CLSPN: variants seen among roughly 807,000 people sequenced by gnomAD.
The protein encoded by CLSPN is claspin.
CLSPN carries 85 observed loss-of-function variants against 156.3 expected under a neutral mutation model. The ratio of observed to expected loss-of-function variants is 0.54; its 90% CI spans 0.46 to 0.65. The LOEUF (loss-of-function observed/expected upper bound fraction) is 0.65. Among genes scored for constraint, CLSPN ranks in the 30% least tolerant of loss-of-function variants. CLSPN has a pLI of 0.00. For missense variants in CLSPN, 1,407 were observed against 1,554.9 expected (o/e 0.90, Z 1.60); for synonymous variants, 534 against 542.4 (o/e 0.98, Z 0.22).
At position 35,735,236 on chromosome 1, in the gene CLSPN, A is replaced by G. The variant is rs1402165823; in HGVS notation, c.*1260T>C. 1 of 985,448 alleles carries G rather than the reference A, an allele frequency of 1.0e-6. No individual in the cohort carries two copies. The highest frequency in any genetic ancestry group is 1.2e-6 in the Non-Finnish European group (1 of 829,932). 61.0% of individuals were successfully genotyped at this position (985,448 alleles called of 1,614,324 possible). On this transcript the variant is annotated 3_prime_UTR_variant, in exon 25 of 25. Transcript: ENST00000318121. ...GGTGTAACACTTTATCTTCATCCCC[A>G]AGCCCCAGAAAATTAGAGGCAGAGT...
intron 20 of CLSPN, 51 bp from the exon 21 acceptor site, chr1:35,738,633 G>A (rs1257601994): frequency 6.9e-6 from 11 of 1,591,002 alleles, no homozygotes; most frequent in East Asian, 6.7e-5. Context: ...ACAGGAGAGG[G>A]TGCTTGGACA....
downstream of CLSPN, among the ~76,000 whole-genome samples, chr1:35,731,317 A>G (rs911314208): frequency 2.0e-5 from 3 of 152,114 alleles, no homozygotes; most frequent in African/African-American, 7.2e-5. Context: ...TCAGACAAAG[A>G]AGGAGGATGG....
rs1030110876 is a variant in CLSPN, at chr1:35,746,693, C to T, written c.2854+73G>A. The T allele has an allele frequency of 3.1e-5, 33 of 1,055,994 alleles. No homozygotes were observed. Among genetic ancestry groups the T allele is most frequent in the South Asian group, 9.3e-5 (7 of 75,152 alleles). The allele number at this position is 1,055,994 out of a possible 1,614,324, so 65.4% of individuals were successfully genotyped here. ...GATTACAGGCATGAGCCACCCCACC[C>T]GCCCAGGGAATTCTTTTCAAGGGCA... On this transcript the variant is annotated intron_variant, in intron 15 of 24. Coordinates refer to ENST00000318121, the MANE Select transcript of CLSPN (RefSeq NM_022111.4). This position sits in a 1 kb window ranked among gnomAD's most constrained non-coding sequence, Gnocchi z 4.2.
chr1:35,745,484 A>C lies in CLSPN; in HGVS notation c.2933T>G (p.Leu978Arg). 1 of 1,613,998 alleles carries C rather than the reference A, an allele frequency of 6.2e-7. No homozygotes were observed. The highest frequency in any genetic ancestry group is 8.5e-7 in the Non-Finnish European group (1 of 1,179,916). The change falls in exon 16 of 25, where the codon CTT (leucine) becomes CGT (arginine). Residue 978 changes from leucine (L) to arginine (R), a missense_variant. By Grantham distance (102) the Leu-to-Arg change is moderately radical (BLOSUM62 -2). Transcript: ENST00000318121. Reference sequence around the variant, plus strand: ...GGGAAAAGAGCCTGAGCAAAGAGCAAGTGCTTCTTCCATTGGATCACCCAT... The same window carrying C: ...GGGAAAAGAGCCTGAGCAAAGAGCACGTGCTTCTTCCATTGGATCACCCAT... ...SSMGDPMEEA[L>R]ALCSGSFPTD...
At position 35,769,708 on chromosome 1, in the gene CLSPN, G is replaced by T. The variant is rs994388951; in HGVS notation, c.24+139C>A. On this transcript the variant is annotated intron_variant, in intron 1 of 24. Coordinates refer to ENST00000318121, the MANE Select transcript of CLSPN (RefSeq NM_022111.4). ...CATCCCGGCCGAGTCTCGAGGCCGC[G>T]GGAGCCGGCGCGGCGAACGCCGGGA... 5.3e-5 allele frequency: 39 copies of T among 735,882 alleles called. 1 individual carries two copies. The highest frequency in any genetic ancestry group is 4.0e-4 in the Middle Eastern group (1 of 2,486). 45.6% of individuals were successfully genotyped at this position (735,882 alleles called of 1,614,324 possible).
rs1454244546 is a variant in CLSPN, at chr1:35,734,568, C to T, written c.*1928G>A. On this transcript the variant is annotated 3_prime_UTR_variant, in exon 25 of 25. Coordinates refer to ENST00000318121, the MANE Select transcript of CLSPN (RefSeq NM_022111.4). ...TGGTGGCAGGTGCCTGTAATCCCTG[C>T]TATTTGGGAGGCCGAGGCAGAATTG... is the stretch of plus-strand genomic sequence containing the variant. 2 of 300,868 alleles carry T rather than the reference C, an allele frequency of 6.6e-6. No individual in the cohort carries two copies. The highest frequency in any genetic ancestry group is 9.8e-6 in the Non-Finnish European group (2 of 204,884). The allele number at this position is 300,868 out of a possible 1,614,324, so 18.6% of individuals were successfully genotyped here.
chr1:35,728,998 C>A (rs576100038), downstream of CLSPN, among the ~76,000 whole-genome samples: 1 of 148,668 alleles, frequency 6.7e-6, no homozygotes. Context: ...CCTGCTGGGC[C>A]CCCAGAACCT....
rs1222804992 is a variant in CLSPN, at chr1:35,760,783, G to A, written c.1138C>T (p.Leu380Phe). ...GAENEVETNALPVVSKETQII... is the reference protein window; with the variant it reads ...GAENEVETNAFPVVSKETQII... ...TGGGTTTCCTTTGAAACTACAGGGA[G>A]TGCATTAGTTTCCACTTCATTTTCT... The change falls in exon 8 of 25, where the codon CTC becomes TTC. Residue 380 changes from leucine to phenylalanine, a missense_variant. Coordinates refer to ENST00000318121, the MANE Select transcript of CLSPN (RefSeq NM_022111.4). 1 of 1,613,482 alleles carries A rather than the reference G, an allele frequency of 6.2e-7. No homozygotes were observed. Among genetic ancestry groups the A allele is most frequent in the Non-Finnish European group, 8.5e-7 (1 of 1,179,928 alleles).
At chr1:35,764,755 T>G (rs2148627706) in intron 2 of CLSPN, 41 bp from the exon 3 acceptor site, 2 of 1,344,260 alleles carry the variant, frequency 1.5e-6, no homozygotes. Flanking sequence ...CATCATTTGA[T>G]CTTCCTCCTA....
rs1641336780 is a variant in CLSPN at position 35,732,280 on chromosome 1, C to T, written c.*4216G>A. ...CCTCCCAGAAATACTCTCCTCTATC[C>T]TTAGGAGCACAAATCCCAGGACAGG... On this transcript the variant is annotated 3_prime_UTR_variant, in exon 25 of 25. Transcript: ENST00000318121. 4.1e-6 allele frequency: 4 copies of T among 985,336 alleles called. No homozygotes were observed. Among genetic ancestry groups the T allele is most frequent in the Non-Finnish European group, 4.8e-6 (4 of 829,924 alleles). 61.0% of individuals were successfully genotyped at this position (985,336 alleles called of 1,614,324 possible).
At chr1:35,743,922 A>T (rs942126679) in intron 16 of CLSPN, among the ~76,000 whole-genome samples, 5 of 152,210 alleles carry the variant, frequency 3.3e-5, no homozygotes, top group Non-Finnish European at 5.9e-5. Context: ...TCGCCCAGCC[A>T]AATTTAAAAC....
chr1:35,747,976 A>G lies in CLSPN; in HGVS notation c.2558T>C (p.Phe853Ser). 6.2e-7 allele frequency: 1 copy of G among 1,614,198 alleles called. No individual in the cohort carries two copies. Among genetic ancestry groups the G allele is most frequent in the Non-Finnish European group, 8.5e-7 (1 of 1,180,008 alleles). Reference protein sequence around the residue: ...YNASPEPKTLFLGAGDFQFCL... With the variant: ...YNASPEPKTLSLGAGDFQFCL... ...GAACTGGAAGTCTCCTGCTCCTAGG[A>G]AAAGTGTCTTAGGCTCTGGGGAGGC... The change falls in exon 14 of 25, where the codon TTC becomes TCC. Residue 853 changes from phenylalanine (F) to serine (S), a missense_variant. Coordinates refer to ENST00000318121, the MANE Select transcript of CLSPN (RefSeq NM_022111.4).
At chr1:35,744,258 A>G (rs773267581) in intron 16 of CLSPN, among the ~76,000 whole-genome samples, 4 of 152,076 alleles carry the variant, frequency 2.6e-5, no homozygotes, top group Non-Finnish European at 4.4e-5. Context: ...TGACTGGCTT[A>G]TTTCTTTTAG....
chr1:35,760,301 A>T (rs924844499), intron 8 of CLSPN, 41 bp downstream of exon 8: 1 of 1,488,266 alleles, frequency 6.7e-7, no homozygotes, highest in Non-Finnish European at 9.2e-7. Flanking sequence ...AGCTACCAGG[A>T]TAATCACTCC....
chr1:35,731,347 A>C (rs1641313177), downstream of CLSPN, among the ~76,000 whole-genome samples: 1 of 152,160 alleles, frequency 6.6e-6, no homozygotes, highest in South Asian at 2.1e-4. Flanking sequence ...AGGGCATTCC[A>C]GGGAAAGAGG....
rs201129964 is a variant in CLSPN, at chr1:35,734,677, C to A, written c.*1819G>T. On this transcript the variant is annotated 3_prime_UTR_variant, in exon 25 of 25. Transcript: ENST00000318121. ...TAGGTGACAGAGCCAGCCTATGTCT[C>A]AAAAAAAAAAAAAGAAAAGAAAAGA... 1.5e-3 allele frequency: 990 copies of A among 663,512 alleles called. No individual in the cohort carries two copies. Among genetic ancestry groups the A allele is most frequent in the Admixed American group, 5.2e-3 (66 of 12,652 alleles). The allele number at this position is 663,512 out of a possible 1,614,324, so 41.1% of individuals were successfully genotyped here. A position where few individuals can be genotyped will look rare whatever the true frequency, so the allele number is the denominator to read the frequency against.
chr1:35,743,935 T>C (rs76870230), intron 16 of CLSPN, among the ~76,000 whole-genome samples: 5,750 of 152,328 alleles, frequency 0.038, 149 homozygotes, highest in East Asian at 0.058. Context: ...TTTAAAACTT[T>C]TATTATCACC....
intron 18 of CLSPN, among the ~76,000 whole-genome samples, chr1:35,741,226 T>G (rs771397866): frequency 6.6e-6 from 1 of 152,196 alleles, no homozygotes; most frequent in Non-Finnish European, 1.5e-5. Context: ...TAAAAATATA[T>G]GCATAAAAAA....
chr1:35,721,707 C>G (rs1395728852), intron 24 of CLSPN, among the ~76,000 whole-genome samples: 1 of 151,938 alleles, frequency 6.6e-6, no homozygotes. Flanking sequence ...ACCTTCTGAC[C>G]TGCAATACCC....
Sources: gnomAD v4.1 joint callset for allele counts (sites outside exome capture counted in the v4.1 genomes callset) on GRCh38, gnomAD v4.1.1 for gene constraint, Gnocchi (gnomAD v3.1) non-coding constraint, MANE v1.5 for transcripts, NCBI Gene and HGNC (gene_info 2026-07-23, HGNC 2026-07-21) for gene names.